ENO4: variants seen among roughly 807,000 people sequenced by gnomAD.
The protein encoded by ENO4 is enolase 4, also known as 2-phospho-D-glycerate hydro-lyase.
ENO4 carries 53 observed loss-of-function variants against 63.2 expected under a neutral mutation model. That is an observed-to-expected ratio of 0.84 (90% CI 0.67 to 1.05). The LOEUF is 1.05. ENO4 is among the 50% of genes least tolerant of loss of function. ENO4 has a pLI of 0.00. For missense variants in ENO4, 719 were observed against 772.0 expected, an observed-to-expected ratio of 0.93 and a Z score of 0.81; for synonymous variants, 266 against 283.8, an observed-to-expected ratio of 0.94 and a Z score of 0.63.
chr10:116,909,304 C>G, intron 10 of ENO4, among the ~76,000 whole-genome samples: 1 of 152,144 alleles, frequency 6.6e-6, no homozygotes, highest in East Asian at 1.9e-4. Context: ...ACTAACTAAT[C>G]TAATTGTCAG....
intron 6 of ENO4, among the ~76,000 whole-genome samples, chr10:116,862,578 C>T (rs575660954): frequency 3.6e-4 from 55 of 152,262 alleles, no homozygotes; most frequent in African/African-American, 1.2e-3. Flanking sequence ...TCTGAAAGGT[C>T]GAAGAGAGGC....
chr10:116,880,431 G>A (rs998045054), intron 13 of ENO4, among the ~76,000 whole-genome samples: 3 of 152,176 alleles, frequency 2.0e-5, no homozygotes, highest in African/African-American at 2.4e-5. Flanking sequence ...AAGAGAAATC[G>A]ATCATTTAAT....
At chr10:116,863,152 G>T (rs1028301377) in intron 7 of ENO4, among the ~76,000 whole-genome samples, 11 of 152,242 alleles carry the variant, frequency 7.2e-5, no homozygotes, top group African/African-American at 2.7e-4. Context: ...GCAGCTTGAT[G>T]GAATGAAGGC....
chr10:116,861,634 A>G (rs890848684), intron 6 of ENO4, among the ~76,000 whole-genome samples: 2 of 152,198 alleles, frequency 1.3e-5, no homozygotes, highest in African/African-American at 4.8e-5. Flanking sequence ...ATAAATCTCA[A>G]GTTGCAGGTT....
At chr10:116,878,928 A>T (rs1231073815) in intron 11 of ENO4, among the ~76,000 whole-genome samples, 2 of 151,906 alleles carry the variant, frequency 1.3e-5, no homozygotes, top group Non-Finnish European at 2.9e-5. Flanking sequence ...TATTTTTAGT[A>T]GAGACGGGGT....
rs1402932840 is a variant in ENO4, at chr10:116,881,913, C to T, written c.*244C>T. On this transcript the variant is annotated 3_prime_UTR_variant, in exon 14 of 14. Coordinates refer to ENST00000341276, the MANE Select transcript of ENO4 (RefSeq NM_001242699.2). ...TTTGTTTGTCTATTAGCTCTCCTGT[C>T]CATTTTTCAGGGACACGCTCCAGTA... 1 of 359,874 alleles carries T rather than the reference C, an allele frequency of 2.8e-6. No homozygotes were observed. Among genetic ancestry groups the T allele is most frequent in the Non-Finnish European group, 4.9e-6 (1 of 203,274 alleles). 22.3% of individuals were successfully genotyped at this position (359,874 alleles called of 1,614,324 possible). A position where few individuals can be genotyped will look rare whatever the true frequency, so the allele number is the denominator to read the frequency against.
At chr10:116,872,428 C>T (rs1372778755) in intron 9 of ENO4, among the ~76,000 whole-genome samples, 18 of 152,038 alleles carry the variant, frequency 1.2e-4, no homozygotes, top group Admixed American at 1.2e-3. Context: ...GCGGGTCTTT[C>T]CCATGCTATT....
intron 7 of ENO4, among the ~76,000 whole-genome samples, chr10:116,866,893 A>T (rs532591951): frequency 6.6e-6 from 1 of 152,276 alleles, no homozygotes; most frequent in Admixed American, 6.5e-5. Context: ...TAGTAATTGA[A>T]TATAGAAAGA....
At chr10:116,898,572 A>G (rs537595047) in intron 10 of ENO4, among the ~76,000 whole-genome samples, 1 of 152,304 alleles carries the variant, frequency 6.6e-6, no homozygotes, top group African/African-American at 2.4e-5. Context: ...ATCGGAATTC[A>G]TAACGTTCAC....
intron 10 of ENO4, among the ~76,000 whole-genome samples, chr10:116,888,251 C>T (rs565176435): frequency 1.5e-4 from 23 of 152,346 alleles, no homozygotes; most frequent in African/African-American, 4.8e-4. Context: ...CTCCAGACAT[C>T]TGCCGCTATG....
chr10:116,849,769 CCT>C, intron 1 of ENO4, 38 bp downstream of exon 1: 1 of 1,473,942 alleles, frequency 6.8e-7, no homozygotes, highest in South Asian at 1.4e-5. Flanking sequence ...CCCGCCAACC[CCT>C]CTCCCCCCGC....
intron 10 of ENO4, among the ~76,000 whole-genome samples, chr10:116,892,955 A>C (rs188360491): frequency 1.2e-3 from 185 of 152,370 alleles, no homozygotes; most frequent in Non-Finnish European, 2.1e-3. Flanking sequence ...TATTTTATAC[A>C]AAGTCTCTTA....
chr10:116,866,128 T>C (rs1846542003), intron 7 of ENO4, among the ~76,000 whole-genome samples: 1 of 152,228 alleles, frequency 6.6e-6, no homozygotes, highest in Admixed American at 6.5e-5. Flanking sequence ...GAATATGTTT[T>C]CTTCAAACAC....
intron 11 of ENO4, among the ~76,000 whole-genome samples, chr10:116,878,359 T>C (rs773265124): frequency 6.6e-6 from 1 of 152,170 alleles, no homozygotes; most frequent in Non-Finnish European, 1.5e-5. Flanking sequence ...TGGTAGATGA[T>C]AGATAGGAGG....
intron 4 of ENO4, among the ~76,000 whole-genome samples, chr10:116,859,995 A>G (rs1846367186): frequency 6.6e-6 from 1 of 152,224 alleles, no homozygotes; most frequent in East Asian, 1.9e-4. Flanking sequence ...CTGAGTTATA[A>G]GTAGAGACCA....
At chr10:116,861,403 T>C (rs1846412224) in intron 6 of ENO4, among the ~76,000 whole-genome samples, 2 of 152,182 alleles carry the variant, frequency 1.3e-5, no homozygotes, top group African/African-American at 4.8e-5. Flanking sequence ...ATTACAGCAC[T>C]GGCTCATGCT....
rs554874793 is a variant in ENO4 at position 116,852,699 on chromosome 10, A to G, written c.166-2924A>G. ...GAGGATGTCCCAATTACCCTACTGG[A>G]AAGAGTGAGGTTGTGTAGAGAAAGA... is the stretch of plus-strand genomic sequence containing the variant. On this transcript the variant is annotated intron_variant, in intron 1 of 13. Coordinates refer to ENST00000341276, the MANE Select transcript of ENO4 (RefSeq NM_001242699.2). 6.6e-5 allele frequency among the ~76,000 whole-genome samples: 10 copies of G among 152,246 alleles called. No homozygotes were observed. The East Asian group carries it at 7.7e-4, about 12-fold the overall frequency.
chr10:116,867,019 A>G (rs1486836007), intron 7 of ENO4, among the ~76,000 whole-genome samples: 1 of 152,150 alleles, frequency 6.6e-6, no homozygotes, highest in Non-Finnish European at 1.5e-5. Context: ...AAGAAATGGT[A>G]TGTTTTCTCA....
At chr10:116,881,121 T>C (rs1183886345) in intron 13 of ENO4, among the ~76,000 whole-genome samples, 1 of 152,220 alleles carries the variant, frequency 6.6e-6, no homozygotes, top group East Asian at 1.9e-4. Flanking sequence ...AATACTTACA[T>C]GTAAGGACCT....
Sources: gnomAD v4.1 joint callset for allele counts (sites outside exome capture counted in the v4.1 genomes callset) on GRCh38, gnomAD v4.1.1 for gene constraint, MANE v1.5 for transcripts, NCBI Gene and HGNC (gene_info 2026-07-23, HGNC 2026-07-21) for gene names.